RASAL2: variants seen among roughly 807,000 people sequenced by gnomAD.
RASAL2 encodes ras GTPase-activating protein nGAP.
RASAL2 carries 58 observed loss-of-function variants against 128.9 expected under a neutral mutation model. The observed-to-expected ratio is 0.45, with a 90% confidence interval of 0.36 to 0.56. The LOEUF (loss-of-function observed/expected upper bound fraction) is 0.56. RASAL2 is among the 20% of genes least tolerant of loss of function. RASAL2 has a pLI of 0.00. For synonymous variants in RASAL2, 561 were observed against 580.8 expected (o/e 0.97, Z 0.49); for missense variants, 1,360 against 1,601.6 (o/e 0.85, Z 2.57).
At chr1:178,179,324 T>TAAA (rs1662007035) in intron 1 of RASAL2, among the ~76,000 whole-genome samples, 2 of 152,204 alleles carry the variant, frequency 1.3e-5, no homozygotes, top group Admixed American at 1.3e-4. Flanking sequence ...CTGAGGCACA[T>TAAA]AAAAATGAAG....
At chr1:178,381,279 GAGTC>G (rs2102562792) in intron 3 of RASAL2, among the ~76,000 whole-genome samples, 1 of 152,242 alleles carries the variant, frequency 6.6e-6, no homozygotes, top group Non-Finnish European at 1.5e-5. Flanking sequence ...GGAGAGACTG[GAGTC>G]AGTAAGAGCA....
At chr1:178,320,689 G>T (rs1668725491) in intron 3 of RASAL2, among the ~76,000 whole-genome samples, 1 of 152,150 alleles carries the variant, frequency 6.6e-6, no homozygotes, top group Non-Finnish European at 1.5e-5. Flanking sequence ...TGCGCCCACT[G>T]TCTGGCACTC....
intron 14 of RASAL2, among the ~76,000 whole-genome samples, 169 bp from the exon 15 acceptor site, chr1:178,464,109 T>C (rs1283445422): frequency 2.0e-5 from 3 of 152,296 alleles, no homozygotes; most frequent in Middle Eastern, 3.4e-3. Flanking sequence ...AAATGTATAT[T>C]CTCTTTCCCC....
chr1:178,240,538 T>C (rs1000738997), intron 1 of RASAL2, among the ~76,000 whole-genome samples: 3 of 151,888 alleles, frequency 2.0e-5, no homozygotes, highest in African/African-American at 7.2e-5. Context: ...CAAAAGCAAA[T>C]GGCATTGAAA....
At position 178,169,609 on chromosome 1, in the gene RASAL2, G is replaced by A. The variant is rs563637109; in HGVS notation, c.202+74915G>A. The stretch of plus-strand genomic sequence containing the variant: ...GTCTTATTGGTCCTACTTGTGTCAC[G>A]TTTATTAATTGAAGAGTACTCTTCA... On this transcript the variant is annotated intron_variant, in intron 1 of 17. Coordinates refer to ENST00000367649, the MANE Select transcript of RASAL2 (RefSeq NM_170692.4). Among the ~76,000 whole-genome samples the A allele has an allele frequency of 2.2e-3, 334 of 152,038 alleles. 3 individuals carry two copies. Among genetic ancestry groups the A allele is most frequent in the African/African-American group, 7.5e-3 (310 of 41,518 alleles).
At chr1:178,447,614 T>C (rs1277898467) in intron 9 of RASAL2, among the ~76,000 whole-genome samples, 1 of 132,342 alleles carries the variant, frequency 7.6e-6, no homozygotes, top group African/African-American at 2.9e-5. Flanking sequence ...GAAGTTGCGG[T>C]AAGCCAAGAT....
intron 1 of RASAL2, among the ~76,000 whole-genome samples, chr1:178,132,876 C>T (rs1660172216): frequency 6.7e-6 from 1 of 149,696 alleles, no homozygotes; most frequent in Non-Finnish European, 1.5e-5. Context: ...TCAAGCGATT[C>T]TCCTGCCTCA....
chr1:178,194,295 A>C (rs528131787), intron 1 of RASAL2: 1 of 220,768 alleles, frequency 4.5e-6, no homozygotes, highest in East Asian at 1.1e-4. Context: ...CATGAATTAA[A>C]GTATTTTACA....
At chr1:178,286,396 A>G (rs2102224526) in intron 2 of RASAL2, among the ~76,000 whole-genome samples, 1 of 151,696 alleles carries the variant, frequency 6.6e-6, no homozygotes, top group South Asian at 2.1e-4. Flanking sequence ...CCAAACTTTG[A>G]GTCTCACATT....
At chr1:178,437,460 C>T (rs1676326724) in intron 5 of RASAL2, among the ~76,000 whole-genome samples, 1 of 152,030 alleles carries the variant, frequency 6.6e-6, no homozygotes, top group South Asian at 2.1e-4. Context: ...TCTACCATTG[C>T]TTCATGTAGG....
chr1:178,210,645 T>C (rs2101984395), intron 1 of RASAL2, among the ~76,000 whole-genome samples: 1 of 152,350 alleles, frequency 6.6e-6, no homozygotes, highest in South Asian at 2.1e-4. Context: ...CCACTGGTGA[T>C]ATAACATAGT....
chr1:178,169,121 T>C (rs1661617380), intron 1 of RASAL2, among the ~76,000 whole-genome samples: 1 of 151,904 alleles, frequency 6.6e-6, no homozygotes, highest in South Asian at 2.1e-4. Context: ...CTACTTTTCC[T>C]TTAAAAATGT....
intron 3 of RASAL2, among the ~76,000 whole-genome samples, chr1:178,363,352 G>C (rs1255656266): frequency 6.6e-6 from 1 of 151,806 alleles, no homozygotes; most frequent in Non-Finnish European, 1.5e-5. Flanking sequence ...TTTTTAATTA[G>C]GTTATTCAAT....
intron 3 of RASAL2, among the ~76,000 whole-genome samples, chr1:178,374,916 A>G (rs1571953897): frequency 6.6e-6 from 1 of 152,182 alleles, no homozygotes; most frequent in African/African-American, 2.4e-5. Flanking sequence ...GGCTGGATAC[A>G]GAGAAGTATA....
At chr1:178,255,658 G>A (rs980796226) in intron 1 of RASAL2, among the ~76,000 whole-genome samples, 3 of 151,850 alleles carry the variant, frequency 2.0e-5, no homozygotes, top group Non-Finnish European at 2.9e-5. Context: ...AGATATGTAT[G>A]GTAAGCCATA....
At chr1:178,145,312 T>C (rs1660694848) in intron 1 of RASAL2, among the ~76,000 whole-genome samples, 1 of 152,150 alleles carries the variant, frequency 6.6e-6, no homozygotes. Flanking sequence ...TTTTTTGTTT[T>C]GTTTTTAGCC....
At chr1:178,391,325 A>G (rs1672894499) in intron 4 of RASAL2, among the ~76,000 whole-genome samples, 1 of 152,192 alleles carries the variant, frequency 6.6e-6, no homozygotes, top group South Asian at 2.1e-4. Flanking sequence ...AAGTGGAACT[A>G]TGTTTGTGAC....
chr1:178,308,605 G>A (rs1668104325), intron 3 of RASAL2, among the ~76,000 whole-genome samples: 1 of 149,648 alleles, frequency 6.7e-6, no homozygotes, highest in Non-Finnish European at 1.5e-5. Context: ...CAGTGGTGTG[G>A]TGTAATCATG....
At chr1:178,276,373 T>G (rs1312070858) in intron 1 of RASAL2, among the ~76,000 whole-genome samples, 1 of 152,228 alleles carries the variant, frequency 6.6e-6, no homozygotes, top group Non-Finnish European at 1.5e-5. Context: ...CCTTTCCTTT[T>G]GTACTTTAAG....
Sources: allele counts gnomAD v4.1 joint callset (sites outside exome capture counted in the v4.1 genomes callset), GRCh38; gene constraint gnomAD v4.1.1; transcripts MANE v1.5; gene names NCBI Gene and HGNC (gene_info 2026-07-23, HGNC 2026-07-21).